The following TRHDE variants were observed in gnomAD, a reference collection of about 807,000 sequenced individuals.
The protein encoded by TRHDE is thyrotropin releasing hormone degrading enzyme.
A neutral mutation model predicts 125.7 loss-of-function variants in TRHDE; 72 were observed. The ratio of observed to expected loss-of-function variants is 0.57; its 90% CI spans 0.47 to 0.70. The LOEUF is 0.70. TRHDE is among the 30% of genes least tolerant of loss of function. TRHDE has a pLI of 0.00. For missense variants in TRHDE, 1,110 were observed against 1,327.1 expected (o/e 0.84, Z 2.54); for synonymous variants, 509 against 509.1 (o/e 1.00, Z 0.00).
intron 2 of TRHDE, among the ~76,000 whole-genome samples, chr12:72,162,549 A>G (rs1456688530): frequency 6.6e-6 from 1 of 152,188 alleles, no homozygotes. Flanking sequence ...TCTGAGGGCT[A>G]GAAGTTGGTC....
At chr12:72,365,471 G>T (rs1473816551) in intron 2 of TRHDE, among the ~76,000 whole-genome samples, 3 of 151,994 alleles carry the variant, frequency 2.0e-5, no homozygotes, top group African/African-American at 4.8e-5. Flanking sequence ...AAACATTGTG[G>T]GACACTTGGA....
chr12:72,151,994 C>A (rs1173870480), intron 2 of TRHDE, among the ~76,000 whole-genome samples: 2 of 151,476 alleles, frequency 1.3e-5, no homozygotes, highest in African/African-American at 4.9e-5. Context: ...GGCAGTATGG[C>A]CATTTTCACA....
intron 2 of TRHDE, among the ~76,000 whole-genome samples, chr12:72,152,628 G>T (rs1239702581): frequency 2.0e-5 from 3 of 152,170 alleles, no homozygotes; most frequent in Admixed American, 6.5e-5. Context: ...TTTGTCAAAG[G>T]CCTTTTCTGC....
intron 2 of TRHDE, among the ~76,000 whole-genome samples, chr12:72,333,212 A>G (rs1869682657): frequency 6.6e-6 from 1 of 152,230 alleles, no homozygotes; most frequent in Admixed American, 6.5e-5. Flanking sequence ...GTGAAGACTG[A>G]CAGATTGGTT....
chr12:72,106,251 G>GA (rs1481851037), intron 2 of TRHDE, among the ~76,000 whole-genome samples: 2 of 151,950 alleles, frequency 1.3e-5, no homozygotes, highest in Admixed American at 6.6e-5. Flanking sequence ...TTTTCCTGAG[G>GA]AAAAAATCAC....
chr12:72,118,581 T>C (rs1467137743), intron 2 of TRHDE, among the ~76,000 whole-genome samples: 1 of 152,178 alleles, frequency 6.6e-6, no homozygotes, highest in Admixed American at 6.5e-5. Context: ...AGTTTGGCAG[T>C]ATTGCCTCCT....
chr12:72,515,495 T>G (rs1370054279), intron 6 of TRHDE, among the ~76,000 whole-genome samples: 2 of 152,194 alleles, frequency 1.3e-5, no homozygotes, highest in African/African-American at 4.8e-5. Context: ...GTCTGTTTGT[T>G]TTTTTTGTAA....
intron 2 of TRHDE, among the ~76,000 whole-genome samples, chr12:72,113,290 A>C (rs946118110): frequency 2.0e-5 from 3 of 151,848 alleles, no homozygotes; most frequent in African/African-American, 7.3e-5. Flanking sequence ...AAGTGCTTGG[A>C]TTACAGGTGT....
rs564610056 is a variant in TRHDE, at chr12:72,531,678, A to G, written c.1723-10613A>G. On this transcript the variant is annotated intron_variant, in intron 6 of 18. Coordinates refer to ENST00000261180, the MANE Select transcript of TRHDE (RefSeq NM_013381.3). ...GATGTTGTGCTGTCCAATGTAATTT[A>G]ATTTTAGTTTAGGTAACAAATCATT... Among the ~76,000 whole-genome samples, 14 of 152,020 alleles carry G rather than the reference A, an allele frequency of 9.2e-5. 2 individuals carry two copies. The South Asian group carries it at 2.9e-3, about 32-fold the overall frequency.
chr12:72,523,470 G>T (rs868015786), intron 6 of TRHDE, among the ~76,000 whole-genome samples: 9 of 152,074 alleles, frequency 5.9e-5, no homozygotes, highest in African/African-American at 2.2e-4. Flanking sequence ...AGTGTTAAAT[G>T]CTTACTTATA....
intron 3 of TRHDE, among the ~76,000 whole-genome samples, chr12:72,450,578 A>G (rs1378979544): frequency 6.6e-6 from 1 of 152,098 alleles, no homozygotes; most frequent in East Asian, 1.9e-4. Context: ...ATTGCTATTA[A>G]CCATAGCCAC....
In TRHDE at chr12:72,430,321, G is replaced by GTATATATACATA. The variant is rs1325464830; in HGVS notation, c.1316-39433_1316-39432insTATACATATATA. ...TATGTATATATATGTATATATACAT[G>GTATATATACATA]TATACATATATACATGTATATATAC... On this transcript the variant is annotated intron_variant, in intron 3 of 18. Transcript: ENST00000261180. 1.3e-3 allele frequency among the ~76,000 whole-genome samples: 184 copies of GTATATATACATA among 143,432 alleles called. 1 individual carries two copies. Among genetic ancestry groups the GTATATATACATA allele is most frequent in the East Asian group, 3.8e-3 (19 of 5,000 alleles). 94.1% of individuals were successfully genotyped at this position (143,432 alleles called of 152,430 possible). A position where few individuals can be genotyped will look rare whatever the true frequency, so the allele number is the denominator to read the frequency against.
chr12:72,134,741 C>CA (rs2139310229), intron 2 of TRHDE, among the ~76,000 whole-genome samples: 1 of 152,028 alleles, frequency 6.6e-6, no homozygotes, highest in East Asian at 1.9e-4. Flanking sequence ...TGACATTCTG[C>CA]AATTCTAAAT....
intron 3 of TRHDE, among the ~76,000 whole-genome samples, chr12:72,461,441 A>G (rs1415155802): frequency 6.6e-6 from 1 of 152,170 alleles, no homozygotes; most frequent in African/African-American, 2.4e-5. Flanking sequence ...AATATTAGTT[A>G]TGGGTTACTT....
chr12:72,108,530 G>A (rs1875241188), intron 2 of TRHDE, among the ~76,000 whole-genome samples: 1 of 152,104 alleles, frequency 6.6e-6, no homozygotes, highest in Admixed American at 6.6e-5. Flanking sequence ...CTAAGCTAAT[G>A]TGAGTGCCAG....
Position 72,105,235 on chromosome 12 carries a change from G to A in TRHDE, n.175-413G>A, listed in dbSNP as rs551423874. On this transcript the variant is annotated intron_variant and non_coding_transcript_variant, in intron 1 of 4. Coordinates refer to the TRHDE transcript ENST00000548156. ...AACAGTCTGCATTAAAGCTGCCATTGTAACTCAGAGAAGGTGTGGGGCATG... is the reference window on the plus strand; with the variant it reads ...AACAGTCTGCATTAAAGCTGCCATTATAACTCAGAGAAGGTGTGGGGCATG... Among the ~76,000 whole-genome samples, 229 of 152,290 alleles carry A rather than the reference G, an allele frequency of 1.5e-3. 2 individuals carry two copies. Among genetic ancestry groups the A allele is most frequent in the African/African-American group, 5.0e-3 (208 of 41,572 alleles).
At chr12:72,605,919 AAAG>A (rs1334936070) in intron 12 of TRHDE, among the ~76,000 whole-genome samples, 1 of 151,846 alleles carries the variant, frequency 6.6e-6, no homozygotes, top group African/African-American at 2.4e-5. Flanking sequence ...CTAAATGAAA[AAAG>A]CCTTTTTTCC....
Position 72,621,634 on chromosome 12 carries a change from T to C in TRHDE, c.2568-10T>C, listed in dbSNP as rs1873055361. Reference sequence around the variant, plus strand: ...TCTTTTTAATTTGTTTCCCTTTTGATGATATCTAGAGAACTACGTAGAGAA... The same window carrying C: ...TCTTTTTAATTTGTTTCCCTTTTGACGATATCTAGAGAACTACGTAGAGAA... On this transcript the variant is annotated splice_polypyrimidine_tract_variant and intron_variant, in intron 14 of 18. Transcript: ENST00000261180. 1.3e-6 allele frequency: 2 copies of C among 1,583,332 alleles called. No individual in the cohort carries two copies. Among genetic ancestry groups the C allele is most frequent in the African/African-American group, 1.4e-5 (1 of 73,282 alleles).
chr12:72,337,389 G>A (rs1047311921), intron 2 of TRHDE, among the ~76,000 whole-genome samples: 24 of 152,142 alleles, frequency 1.6e-4, no homozygotes, highest in African/African-American at 5.3e-4. Flanking sequence ...TCCCAGGCAG[G>A]AGCAAACAAC....
Sources: allele counts gnomAD v4.1 joint callset (sites outside exome capture counted in the v4.1 genomes callset), GRCh38; gene constraint gnomAD v4.1.1; transcripts MANE v1.5; gene names NCBI Gene and HGNC (gene_info 2026-07-23, HGNC 2026-07-21).